Variants in IRS2 observed in about 807,000 individuals in gnomAD.
IRS2 encodes the protein insulin receptor substrate 2.
A neutral mutation model predicts 70.9 loss-of-function variants in IRS2; 28 were observed. The ratio of observed to expected loss-of-function variants is 0.39; its 90% CI spans 0.29 to 0.54. The LOEUF is 0.54. IRS2 is among the 20% of genes least tolerant of loss of function. IRS2 has a pLI of 0.59. For missense variants in IRS2, 2,081 were observed against 2,024.1 expected (o/e 1.03, Z -0.54); for synonymous variants, 1,217 against 981.9 (o/e 1.24, Z -4.48).
At position 109,782,926 on chromosome 13, in the gene IRS2, C is replaced by G. The variant is rs775912180; in HGVS notation, c.3128G>C (p.Arg1043Pro). ...PPPPAPGELY[R>P]LPPASAVATA... ...GGCAACGGCCGAGGCGGGGGGCAGG[C>G]GGTACAGCTCCCCCGGGGCCGGCGG... The change falls in exon 1 of 2, where the codon CGC becomes CCC. Residue 1043 changes from arginine to proline, a missense_variant. Physicochemically the swap from Arg to Pro is moderately radical, Grantham distance 103. Around this residue, in one of 4 missense-constraint regions of IRS2, gnomAD observed 1,615 missense variants for 1,459.5 expected, o/e 1.11. Transcript: ENST00000375856. The G allele has an allele frequency of 2.6e-6, 4 of 1,517,918 alleles. No homozygotes were observed. In the Admixed American group the frequency reaches 8.6e-5, roughly 33 times the overall value. The allele number at this position is 1,517,918 out of a possible 1,614,324, so 94.0% of individuals were successfully genotyped here.
In IRS2 at chr13:109,782,221, G is replaced by A. The variant is rs1431541542; in HGVS notation, c.3833C>T (p.Pro1278Leu). The change falls in exon 1 of 2, where the codon CCG becomes CTG. Residue 1278 changes from proline to leucine, a missense_variant. Pro to Leu is a moderately conservative substitution (Grantham distance 98). Transcript: ENST00000375856. ...CCGGCCCCAGGAGCTCTTGTCTCCC[G>A]GCTGAGGAAGCGGCGGCGGCGGCGG... is the stretch of plus-strand genomic sequence containing the variant. ...PQPPPPPLPQ[P>L]GDKSSWGRTR... The A allele has an allele frequency of 5.6e-6, 9 of 1,607,440 alleles. No homozygotes were observed. The highest frequency in any genetic ancestry group is 1.7e-5 in the Admixed American group (1 of 59,496).
chr13:109,782,139 C>A lies in IRS2; in HGVS notation c.3915G>T (p.Gly1305=), dbSNP rs755907277. 1.2e-6 allele frequency: 2 copies of A among 1,607,172 alleles called. No individual in the cohort carries two copies. Among genetic ancestry groups the A allele is most frequent in the East Asian group, 2.2e-5 (1 of 44,674 alleles). ...GGGCACCGGGACCCGGCCCCCCGCA[C>A]CCGCCGCCGGTGCTGCCGACGCCCA... ...SAVGVGSTGG[G]CGGPGPGALP... Residue 1305 remains glycine (G), a synonymous_variant, in exon 1 of 2, where the codon GGG becomes GGT. Transcript: ENST00000375856.
intron 1 of IRS2, among the ~76,000 whole-genome samples, chr13:109,780,143 A>G (rs1434950862): frequency 6.6e-6 from 1 of 152,176 alleles, no homozygotes; most frequent in Non-Finnish European, 1.5e-5. Flanking sequence ...AAAGCAGGAA[A>G]AGGTGTTATG....
At chr13:109,763,505 C>T (rs1390532538) in intron 1 of IRS2, among the ~76,000 whole-genome samples, 1 of 152,234 alleles carries the variant, frequency 6.6e-6, no homozygotes, top group Non-Finnish European at 1.5e-5. Flanking sequence ...CACTAGCATT[C>T]TTCCTTTAAC....
rs1268876651 is a variant in IRS2, at chr13:109,783,351, C to T, written c.2703G>A (p.Leu901=). 31 of 1,550,620 alleles carry T rather than the reference C, an allele frequency of 2.0e-5. No individual in the cohort carries two copies. Among genetic ancestry groups the T allele is most frequent in the Non-Finnish European group, 2.7e-5 (31 of 1,157,668 alleles). The change falls in exon 1 of 2, where the codon CTG becomes CTA. Residue 901 remains leucine (L), a synonymous_variant. Coordinates refer to ENST00000375856, the MANE Select transcript of IRS2 (RefSeq NM_003749.3). ...TRLSLEGLPS[L]PSMHEYPLPP... ...GCAGTGGGTACTCGTGCATGCTGGG[C>T]AGGCTGGGCAGCCCCTCCAGGGACA...
intron 1 of IRS2, among the ~76,000 whole-genome samples, chr13:109,759,255 AGGCCTGT>A: frequency 6.6e-6 from 1 of 152,310 alleles, no homozygotes; most frequent in Non-Finnish European, 1.5e-5. Context: ...CAGCGGGCAC[AGGCCTGT>A]GGTTTTGCTC....
At chr13:109,770,419 C>T (rs149728793) in intron 1 of IRS2, among the ~76,000 whole-genome samples, 2 of 152,144 alleles carry the variant, frequency 1.3e-5, no homozygotes, top group Admixed American at 6.5e-5. Flanking sequence ...ATCTAGGAAT[C>T]GGGATAGCAG....
chr13:109,784,844 T>C lies in IRS2; in HGVS notation c.1210A>G (p.Thr404Ala). Reference sequence around the variant, plus strand: ...CGGCCGCCGCAGCCGCCGCTCAGGGTGTGCGAGCGGCTCAGGGGCGCGCGC... The same window carrying C: ...CGGCCGCCGCAGCCGCCGCTCAGGGCGTGCGAGCGGCTCAGGGGCGCGCGC... ...PVRAPLSRSH[T>A]LSGGCGGRGS... Residue 404 changes from threonine to alanine, a missense_variant, in exon 1 of 2, where the codon ACC (threonine) becomes GCC (alanine). By Grantham distance (58) the Thr-to-Ala change is moderately conservative. This residue lies in a region of IRS2 where 1,615 missense variants were observed against 1,459.5 expected (regional missense o/e 1.11). Transcript: ENST00000375856. The surrounding 1 kb of genome is among the most constrained non-coding windows in gnomAD (Gnocchi z 5.2). 8.1e-7 allele frequency: 1 copy of C among 1,234,834 alleles called. No homozygotes were observed. The highest frequency in any genetic ancestry group is 1.0e-6 in the Non-Finnish European group (1 of 977,936). The allele number at this position is 1,234,834 out of a possible 1,614,324, so 76.5% of individuals were successfully genotyped here. A position where few individuals can be genotyped will look rare whatever the true frequency, so the allele number is the denominator to read the frequency against.
In IRS2 at chr13:109,783,007, G is replaced by A. The variant is rs766234011; in HGVS notation, c.3047C>T (p.Pro1016Leu). Residue 1016 changes from proline (P) to leucine (L), a missense_variant, in exon 1 of 2, where the codon CCG becomes CTG. Physicochemically the swap from Pro to Leu is moderately conservative, Grantham distance 98. This residue lies in a region of IRS2 where 1,615 missense variants were observed against 1,459.5 expected (regional missense o/e 1.11). Coordinates refer to ENST00000375856, the MANE Select transcript of IRS2 (RefSeq NM_003749.3). ...LSPEASSPYPPLPPRPSASPS... is the reference protein window; with the variant it reads ...LSPEASSPYPLLPPRPSASPS... ...GGACGCGGACGGACGCGGGGGCAAC[G>A]GCGGATACGGGGAGGAGGCCTCGGG... The A allele has an allele frequency of 8.1e-6, 11 of 1,364,412 alleles. No individual in the cohort carries two copies. The East Asian group carries it at 1.8e-4, about 22-fold the overall frequency. 84.5% of individuals were successfully genotyped at this position (1,364,412 alleles called of 1,614,324 possible).
chr13:109,780,378 A>C (rs1053748546), intron 1 of IRS2, among the ~76,000 whole-genome samples: 3 of 152,178 alleles, frequency 2.0e-5, no homozygotes, highest in Non-Finnish European at 4.4e-5. Context: ...AACTCCAACC[A>C]AAGTGACCTT....
chr13:109,754,370 T>C lies in IRS2; in HGVS notation c.*1934A>G, dbSNP rs1372960873. The C allele has an allele frequency of 4.7e-6, 1 of 213,670 alleles. No individual in the cohort carries two copies. The highest frequency in any genetic ancestry group is 9.5e-6 in the Non-Finnish European group (1 of 105,786). The allele number at this position is 213,670 out of a possible 1,614,324, so 13.2% of individuals were successfully genotyped here. A position where few individuals can be genotyped will look rare whatever the true frequency, so the allele number is the denominator to read the frequency against. On this transcript the variant is annotated 3_prime_UTR_variant, in exon 2 of 2. Transcript: ENST00000375856. ...AACACGAACCATCTGTATAGTGTCA[T>C]GACTACTCTACGGATAGAGGGCGAG... is the stretch of plus-strand genomic sequence containing the variant.
intron 1 of IRS2, among the ~76,000 whole-genome samples, chr13:109,758,822 T>G (rs1324263606): frequency 4.1e-5 from 3 of 73,868 alleles, no homozygotes; most frequent in African/African-American, 4.1e-5. Context: ...TGGGGGAAGA[T>G]GGCTGACAAA....
chr13:109,770,695 G>T (rs1877434179), intron 1 of IRS2, among the ~76,000 whole-genome samples: 1 of 152,178 alleles, frequency 6.6e-6, no homozygotes, highest in African/African-American at 2.4e-5. Flanking sequence ...AGAAAATGGT[G>T]CCCGGTGGGA....
Position 109,784,421 on chromosome 13 carries a change from T to C in IRS2, c.1633A>G (p.Met545Val), listed in dbSNP as rs558221849. The C allele has an allele frequency of 7.5e-6, 12 of 1,608,810 alleles. No individual in the cohort carries two copies. The highest frequency in any genetic ancestry group is 1.3e-5 in the African/African-American group (1 of 74,680). ...GGGEFYGYMT[M>V]DRPLSHCGRS... ...CCACAGTGGCTCAGGGGCCTGTCCA[T>C]GGTCATGTACCCGTAGAACTCACCG... The change falls in exon 1 of 2, where the codon ATG (methionine) becomes GTG (valine). Residue 545 changes from methionine to valine, a missense_variant. Coordinates refer to ENST00000375856, the MANE Select transcript of IRS2 (RefSeq NM_003749.3). This position sits in a 1 kb window ranked among gnomAD's most constrained non-coding sequence, Gnocchi z 5.2.
intron 1 of IRS2, among the ~76,000 whole-genome samples, chr13:109,768,378 A>G (rs1281907438): frequency 6.6e-6 from 1 of 152,232 alleles, no homozygotes; most frequent in Non-Finnish European, 1.5e-5. Flanking sequence ...CCTCACCAGC[A>G]GGCTAAGAGG....
intron 1 of IRS2, among the ~76,000 whole-genome samples, chr13:109,760,209 T>C (rs1357774154): frequency 6.6e-6 from 1 of 152,220 alleles, no homozygotes; most frequent in Non-Finnish European, 1.5e-5. Context: ...TGTTCTACCC[T>C]GAATATTCAC....
Position 109,784,909 on chromosome 13 carries a change from G to A in IRS2, c.1145C>T (p.Pro382Leu), listed in dbSNP as rs1054027414. The change falls in exon 1 of 2, where the codon CCG becomes CTG. Residue 382 changes from proline to leucine, a missense_variant. By Grantham distance (98) the Pro-to-Leu change is moderately conservative. Around this residue, in one of 4 missense-constraint regions of IRS2, gnomAD observed 1,615 missense variants for 1,459.5 expected, o/e 1.11. Coordinates refer to ENST00000375856, the MANE Select transcript of IRS2 (RefSeq NM_003749.3). This position sits in a 1 kb window ranked among gnomAD's most constrained non-coding sequence, Gnocchi z 5.2. ...AAGAAAAGARPVSVAGSPLSP... is the reference protein window; with the variant it reads ...AAGAAAAGARLVSVAGSPLSP... ...CAGGGGGCTCCCAGCCACCGACACC[G>A]GCCTGGCGCCCGCGGCCGCCGCTCC... 5.7e-6 allele frequency: 6 copies of A among 1,059,798 alleles called. No individual in the cohort carries two copies. Among genetic ancestry groups the A allele is most frequent in the Non-Finnish European group, 6.8e-6 (6 of 879,726 alleles). The allele number at this position is 1,059,798 out of a possible 1,614,324, so 65.6% of individuals were successfully genotyped here. A position where few individuals can be genotyped will look rare whatever the true frequency, so the allele number is the denominator to read the frequency against.
At chr13:109,772,869 G>A (rs895944528) in intron 1 of IRS2, among the ~76,000 whole-genome samples, 1 of 151,526 alleles carries the variant, frequency 6.6e-6, no homozygotes, top group Non-Finnish European at 1.5e-5. Flanking sequence ...CTAATTTTTT[G>A]TATTTTTAGT....
At position 109,783,418 on chromosome 13, in the gene IRS2, C is replaced by T. The variant is rs781697899; in HGVS notation, c.2636G>A (p.Gly879Asp). The change falls in exon 1 of 2, where the codon GGC (glycine) becomes GAC (aspartate). Residue 879 changes from glycine to aspartate, a missense_variant. By Grantham distance (94) the Gly-to-Asp change is moderately conservative (BLOSUM62 -1). This residue lies in a region of IRS2 where 1,615 missense variants were observed against 1,459.5 expected (regional missense o/e 1.11). Transcript: ENST00000375856. ...CGCCCGGCCGCGCTGGCCCAAGAAG[C>T]CCTCCGGGCGGCCGCCGCTAGGCCG... ...PVRPSGGRPE[G>D]FLGQRGRAVR... is the part of the protein sequence containing the mutation. 5.5e-5 allele frequency: 82 copies of T among 1,485,536 alleles called. No individual in the cohort carries two copies. Among genetic ancestry groups the T allele is most frequent in the Admixed American group, 1.7e-4 (7 of 40,290 alleles). The allele number at this position is 1,485,536 out of a possible 1,614,324, so 92.0% of individuals were successfully genotyped here.
Sources: gnomAD v4.1 joint callset for allele counts (sites outside exome capture counted in the v4.1 genomes callset) on GRCh38, gnomAD v4.1.1 for gene constraint, gnomAD v4.1.1 regional missense constraint, Gnocchi (gnomAD v3.1) non-coding constraint, MANE v1.5 for transcripts, NCBI Gene and HGNC (gene_info 2026-07-23, HGNC 2026-07-21) for gene names.